RBFOX1: variants seen among roughly 807,000 people sequenced by gnomAD.
RBFOX1 encodes RNA binding fox-1 homolog 1.
A neutral mutation model predicts 57.7 loss-of-function variants in RBFOX1; 8 were observed. The ratio of observed to expected loss-of-function variants is 0.14; its 90% CI spans 0.08 to 0.25. The LOEUF is 0.25. Ranked by LOEUF, RBFOX1 falls within the 10% of genes least tolerant of loss-of-function variation. The pLI is 1.00. For missense variants in RBFOX1, 611 were observed against 548.5 expected (o/e 1.11, Z -1.14); for synonymous variants, 326 against 222.4 (o/e 1.47, Z -4.15).
chr16:5,568,101 C>T (rs76551377), intron 2 of RBFOX1, among the ~76,000 whole-genome samples: 2,210 of 152,336 alleles, frequency 0.015, 56 homozygotes, highest in African/African-American at 0.05. Context: ...CAAACCTTCG[C>T]TGGCTACTCA....
At chr16:6,929,722 TTTA>T (rs1391527687) in intron 3 of RBFOX1, among the ~76,000 whole-genome samples, 1 of 152,126 alleles carries the variant, frequency 6.6e-6, no homozygotes, top group Non-Finnish European at 1.5e-5. Context: ...TTTTAACACA[TTTA>T]TTATTTATGA....
At chr16:6,493,882 C>G (rs2095694400) in intron 2 of RBFOX1, among the ~76,000 whole-genome samples, 1 of 152,148 alleles carries the variant, frequency 6.6e-6, no homozygotes, top group African/African-American at 2.4e-5. Flanking sequence ...ACGTTAAGTA[C>G]AAGAAATCAT....
intron 4 of RBFOX1, among the ~76,000 whole-genome samples, chr16:7,376,279 C>T (rs981172152): frequency 6.6e-6 from 1 of 152,126 alleles, no homozygotes; most frequent in African/African-American, 2.4e-5. Context: ...GCTCTTAATT[C>T]GATTCTATTA....
intron 3 of RBFOX1, among the ~76,000 whole-genome samples, chr16:6,702,748 A>AT (rs1354153517): frequency 2.0e-5 from 3 of 152,254 alleles, no homozygotes; most frequent in South Asian, 2.1e-4. Flanking sequence ...TTTTTAAATT[A>AT]TTTTTTTGTT....
intron 4 of RBFOX1, among the ~76,000 whole-genome samples, chr16:7,162,501 G>T (rs1345633839): frequency 1.3e-5 from 2 of 151,422 alleles, no homozygotes; most frequent in Non-Finnish European, 2.9e-5. Flanking sequence ...AGGTTGAGGG[G>T]GATAGATCAC....
At chr16:6,430,708 C>G (rs2094054429) in intron 2 of RBFOX1, among the ~76,000 whole-genome samples, 1 of 151,962 alleles carries the variant, frequency 6.6e-6, no homozygotes, top group African/African-American at 2.4e-5. Context: ...TTAGACTTTA[C>G]CTGGCAAGAG....
intron 1 of RBFOX1, among the ~76,000 whole-genome samples, chr16:6,132,931 C>T (rs2096639699): frequency 6.7e-6 from 1 of 149,958 alleles, no homozygotes; most frequent in South Asian, 2.1e-4. Flanking sequence ...TGCCACTGCA[C>T]TCCATCCTGG....
intron 2 of RBFOX1, among the ~76,000 whole-genome samples, chr16:6,648,909 C>G (rs938893909): frequency 2.6e-5 from 4 of 152,066 alleles, no homozygotes; most frequent in African/African-American, 9.7e-5. Flanking sequence ...TGTGGAATGG[C>G]TAAATAGAGC....
chr16:7,482,373 C>T (rs955037564), intron 4 of RBFOX1, among the ~76,000 whole-genome samples: 5 of 152,074 alleles, frequency 3.3e-5, no homozygotes, highest in Non-Finnish European at 5.9e-5. Flanking sequence ...TTGTTCAGTC[C>T]GCACAGCTGA....
At chr16:5,301,932 T>A (rs558717508) in intron 1 of RBFOX1, among the ~76,000 whole-genome samples, 8 of 152,330 alleles carry the variant, frequency 5.3e-5, no homozygotes, top group African/African-American at 1.2e-4. Context: ...ATTGTTCATA[T>A]GTTTTTTATT....
At chr16:5,634,541 A>T (rs967652446) in intron 3 of RBFOX1, among the ~76,000 whole-genome samples, 1 of 152,274 alleles carries the variant, frequency 6.6e-6, no homozygotes, top group Non-Finnish European at 1.5e-5. Flanking sequence ...TTAAGGATAC[A>T]TATCTATCCC....
At chr16:6,930,834 G>C (rs912926359) in intron 3 of RBFOX1, among the ~76,000 whole-genome samples, 4 of 152,084 alleles carry the variant, frequency 2.6e-5, no homozygotes, top group Non-Finnish European at 2.9e-5. Flanking sequence ...CATCTTGTAA[G>C]AGAATGTTCT....
At chr16:7,130,147 C>G (rs1296393093) in intron 4 of RBFOX1, among the ~76,000 whole-genome samples, 1 of 151,784 alleles carries the variant, frequency 6.6e-6, no homozygotes, top group African/African-American at 2.4e-5. Flanking sequence ...ATTCTCCTGC[C>G]TCAGCCTTCC....
rs180786562 is a variant in RBFOX1, at chr16:6,648,426, C to T, written c.-63-6177C>T. On this transcript the variant is annotated intron_variant, in intron 2 of 15. Coordinates refer to ENST00000550418, the MANE Select transcript of RBFOX1 (RefSeq NM_018723.4). ...TGACTAGGAAGTTCCTCATACTCCCCTTATGTGCGGATGAGGGAAATTTGC... is the reference window on the plus strand; with the variant it reads ...TGACTAGGAAGTTCCTCATACTCCCTTTATGTGCGGATGAGGGAAATTTGC... Among the ~76,000 whole-genome samples the T allele has an allele frequency of 4.6e-5, 7 of 152,204 alleles. No homozygotes were observed. In the East Asian group the frequency reaches 1.2e-3, roughly 25 times the overall value.
At chr16:5,442,665 C>G (rs747896307) in intron 1 of RBFOX1, among the ~76,000 whole-genome samples, 10 of 152,144 alleles carry the variant, frequency 6.6e-5, no homozygotes, top group Non-Finnish European at 4.4e-5. Flanking sequence ...GTATCTATTT[C>G]TAGATCCCTT....
chr16:7,156,513 A>G (rs941514528), intron 4 of RBFOX1, among the ~76,000 whole-genome samples: 2 of 152,126 alleles, frequency 1.3e-5, no homozygotes, highest in Non-Finnish European at 2.9e-5. Context: ...ACATGTACAC[A>G]TGCATGTAGA....
At chr16:6,489,605 G>C (rs532013738) in intron 2 of RBFOX1, among the ~76,000 whole-genome samples, 6 of 152,116 alleles carry the variant, frequency 3.9e-5, no homozygotes, top group Non-Finnish European at 7.4e-5. Flanking sequence ...AAGCCTAAGC[G>C]TTGAGGCACC....
At chr16:6,802,498 A>C (rs1206192382) in intron 3 of RBFOX1, among the ~76,000 whole-genome samples, 1 of 152,108 alleles carries the variant, frequency 6.6e-6, no homozygotes, top group Non-Finnish European at 1.5e-5. Context: ...CCAATTTGGC[A>C]AAACCCTGTC....
At chr16:5,770,015 G>C (rs1035837591) in intron 3 of RBFOX1, among the ~76,000 whole-genome samples, 2 of 152,208 alleles carry the variant, frequency 1.3e-5, no homozygotes, top group Non-Finnish European at 2.9e-5. Flanking sequence ...GGTGGAGGCA[G>C]ATAGAAGCTA....
Sources: allele counts gnomAD v4.1 joint callset (sites outside exome capture counted in the v4.1 genomes callset), GRCh38; gene constraint gnomAD v4.1.1; transcripts MANE v1.5; gene names NCBI Gene and HGNC (gene_info 2026-07-23, HGNC 2026-07-21).